Variants in PCDH9 observed in about 807,000 individuals in gnomAD.
The protein encoded by PCDH9 is protocadherin 9.
PCDH9 carries 24 observed loss-of-function variants against 70.6 expected under a neutral mutation model. The ratio of observed to expected loss-of-function variants is 0.34; its 90% CI spans 0.25 to 0.48. The LOEUF is 0.48. PCDH9 is among the 20% of genes least tolerant of loss of function. The pLI is 0.99. For missense variants in PCDH9, 1,281 were observed against 1,503.6 expected (o/e 0.85, Z 2.45); for synonymous variants, 562 against 558.5 (o/e 1.01, Z -0.09).
intron 4 of PCDH9, among the ~76,000 whole-genome samples, chr13:66,543,537 A>C (rs1483860132): frequency 2.0e-5 from 3 of 151,852 alleles, no homozygotes; most frequent in Non-Finnish European, 4.4e-5. Context: ...ACTGCACTCC[A>C]GCCTGGGAGA....
intron 4 of PCDH9, among the ~76,000 whole-genome samples, chr13:66,337,840 A>AT (rs575509563): frequency 4.8e-4 from 73 of 152,182 alleles, no homozygotes; most frequent in African/African-American, 1.8e-3. Flanking sequence ...AATTGAATGC[A>AT]TTTTTAGCCT....
At chr13:67,180,423 T>C (rs1235325603) in intron 2 of PCDH9, among the ~76,000 whole-genome samples, 3 of 152,146 alleles carry the variant, frequency 2.0e-5, no homozygotes, top group African/African-American at 7.2e-5. Context: ...AGCTCACTGT[T>C]GGGCTCCTGT....
chr13:66,512,491 G>A (rs1959527569), intron 4 of PCDH9, among the ~76,000 whole-genome samples: 1 of 152,090 alleles, frequency 6.6e-6, no homozygotes. Context: ...GTACTTCAAA[G>A]GAGGGAAATG....
chr13:66,402,866 T>C (rs1957212389), intron 4 of PCDH9, among the ~76,000 whole-genome samples: 1 of 152,210 alleles, frequency 6.6e-6, no homozygotes, highest in Non-Finnish European at 1.5e-5. Context: ...ATTATGTCTC[T>C]AAGTGTTTTA....
At chr13:66,645,389 T>TATA (rs771212268) in intron 3 of PCDH9, among the ~76,000 whole-genome samples, 16 of 152,084 alleles carry the variant, frequency 1.1e-4, no homozygotes, top group Non-Finnish European at 2.1e-4. Flanking sequence ...CAATTTGAGA[T>TATA]ATAAATATAT....
At chr13:66,843,737 C>G (rs2081155906) in intron 3 of PCDH9, among the ~76,000 whole-genome samples, 1 of 152,198 alleles carries the variant, frequency 6.6e-6, no homozygotes, top group African/African-American at 2.4e-5. Flanking sequence ...TGAGCTGGGC[C>G]TACTTCTGGG....
intron 2 of PCDH9, among the ~76,000 whole-genome samples, chr13:67,088,891 C>T (rs2086162298): frequency 6.6e-6 from 1 of 152,008 alleles, no homozygotes; most frequent in Admixed American, 6.6e-5. Flanking sequence ...ATTAATACAA[C>T]TATATCTAAT....
At chr13:66,690,844 T>A (rs1012241469) in intron 3 of PCDH9, among the ~76,000 whole-genome samples, 23 of 152,178 alleles carry the variant, frequency 1.5e-4, no homozygotes, top group African/African-American at 5.5e-4. Flanking sequence ...TCCCTGTGAA[T>A]AATCTAACTA....
chr13:66,641,285 A>G (rs2077705482), intron 3 of PCDH9, among the ~76,000 whole-genome samples: 1 of 152,196 alleles, frequency 6.6e-6, no homozygotes, highest in African/African-American at 2.4e-5. Context: ...ACAGCTTTCT[A>G]GTCTATGATT....
At chr13:67,058,923 A>G (rs533236326) in intron 2 of PCDH9, among the ~76,000 whole-genome samples, 2 of 152,202 alleles carry the variant, frequency 1.3e-5, no homozygotes, top group East Asian at 3.9e-4. Context: ...TTCAATATTT[A>G]TTGAATAAAG....
At chr13:67,178,209 A>G (rs537074316) in intron 2 of PCDH9, among the ~76,000 whole-genome samples, 1 of 152,176 alleles carries the variant, frequency 6.6e-6, no homozygotes, top group African/African-American at 2.4e-5. Context: ...GATCTTGCTG[A>G]GATCACTAAG....
intron 4 of PCDH9, among the ~76,000 whole-genome samples, chr13:66,358,923 C>T (rs1193524947): frequency 1.3e-5 from 2 of 151,948 alleles, no homozygotes; most frequent in Non-Finnish European, 2.9e-5. Flanking sequence ...CCTCCCACTG[C>T]TGACTAGTAA....
At chr13:66,714,233 A>C (rs2078838479) in intron 3 of PCDH9, among the ~76,000 whole-genome samples, 1 of 152,126 alleles carries the variant, frequency 6.6e-6, no homozygotes, top group Non-Finnish European at 1.5e-5. Flanking sequence ...CGGGAGGCTG[A>C]GGTGGGTGGA....
At chr13:66,491,938 A>G (rs193199038) in intron 4 of PCDH9, among the ~76,000 whole-genome samples, 28 of 152,206 alleles carry the variant, frequency 1.8e-4, no homozygotes, top group South Asian at 4.1e-4. Flanking sequence ...CTTTGCATCA[A>G]TGAAATTGAT....
At chr13:66,636,568 A>G (rs1205050000) in intron 3 of PCDH9, among the ~76,000 whole-genome samples, 1 of 152,148 alleles carries the variant, frequency 6.6e-6, no homozygotes, top group Non-Finnish European at 1.5e-5. Context: ...ATACATTGAT[A>G]TTATGAAAAT....
chr13:66,885,108 AT>A (rs896286995), intron 3 of PCDH9, among the ~76,000 whole-genome samples: 14 of 151,828 alleles, frequency 9.2e-5, no homozygotes, highest in African/African-American at 2.9e-4. Flanking sequence ...CTCCCATGAT[AT>A]TTTTTTTCCT....
At chr13:66,672,419 A>G (rs1028531783) in intron 3 of PCDH9, among the ~76,000 whole-genome samples, 14 of 152,338 alleles carry the variant, frequency 9.2e-5, no homozygotes, top group African/African-American at 2.9e-4. Flanking sequence ...CTTGATGGCC[A>G]GGCAGAGGTG....
chr13:66,732,134 C>T (rs1477689651), intron 3 of PCDH9, among the ~76,000 whole-genome samples: 1 of 151,646 alleles, frequency 6.6e-6, no homozygotes, highest in African/African-American at 2.4e-5. Flanking sequence ...TTTTTAAAAA[C>T]TTTCTTTGAT....
At chr13:66,645,700 C>T (rs2077762107) in intron 3 of PCDH9, among the ~76,000 whole-genome samples, 1 of 152,070 alleles carries the variant, frequency 6.6e-6, no homozygotes, top group African/African-American at 2.4e-5. Context: ...GTCAGCTATT[C>T]AACAAACATT....
Sources: gnomAD v4.1 joint callset for allele counts (sites outside exome capture counted in the v4.1 genomes callset) on GRCh38, gnomAD v4.1.1 for gene constraint, MANE v1.5 for transcripts, NCBI Gene and HGNC (gene_info 2026-07-23, HGNC 2026-07-21) for gene names.